Variants in STX8 observed in about 807,000 individuals in gnomAD.
STX8 encodes the protein syntaxin 8, also known as syntaxin-8.
Under a neutral mutation model 37.5 loss-of-function variants are expected in STX8, and 23 were observed. The observed-to-expected ratio is 0.61, with a 90% confidence interval of 0.44 to 0.87. The LOEUF (loss-of-function observed/expected upper bound fraction) is 0.87, where lower values mean the gene tolerates loss of function less well. STX8 is among the 40% of genes least tolerant of loss of function. STX8 has a pLI of 0.00. For missense variants in STX8, 313 were observed against 284.7 expected, an observed-to-expected ratio of 1.10 and a Z score of -0.71; for synonymous variants, 115 against 99.1, an observed-to-expected ratio of 1.16 and a Z score of -0.95.
chr17:9,504,292 T>C (rs1158949020), intron 5 of STX8, among the ~76,000 whole-genome samples: 17 of 151,336 alleles, frequency 1.1e-4, no homozygotes, highest in Admixed American at 4.0e-4. Flanking sequence ...ACACTTTGTA[T>C]AACAATCATG....
intron 7 of STX8, among the ~76,000 whole-genome samples, chr17:9,366,637 A>G (rs1911239531): frequency 6.6e-6 from 1 of 152,204 alleles, no homozygotes; most frequent in Admixed American, 6.5e-5. Context: ...AACTATATAC[A>G]AACAAAAATC....
At chr17:9,263,158 G>C (rs546146908) in intron 7 of STX8, among the ~76,000 whole-genome samples, 3 of 147,224 alleles carry the variant, frequency 2.0e-5, no homozygotes, top group African/African-American at 7.6e-5. Context: ...GGGTGACAGA[G>C]TGAGATCCTG....
chr17:9,428,722 A>G (rs899489101), intron 6 of STX8, among the ~76,000 whole-genome samples: 1 of 152,236 alleles, frequency 6.6e-6, no homozygotes, highest in South Asian at 2.1e-4. Context: ...TTCAGTATGT[A>G]ATCAATATAG....
intron 6 of STX8, among the ~76,000 whole-genome samples, chr17:9,471,722 C>T (rs985037727): frequency 3.9e-5 from 6 of 152,092 alleles, no homozygotes; most frequent in Non-Finnish European, 5.9e-5. Flanking sequence ...GGTAATATGT[C>T]GCACGTGCTG....
At chr17:9,322,490 C>T (rs1308248876) in intron 7 of STX8, among the ~76,000 whole-genome samples, 1 of 152,202 alleles carries the variant, frequency 6.6e-6, no homozygotes, top group Non-Finnish European at 1.5e-5. Context: ...GCAGGGGACG[C>T]TGAGCACTTC....
intron 7 of STX8, among the ~76,000 whole-genome samples, chr17:9,293,966 C>A (rs1908418893): frequency 6.6e-6 from 1 of 152,018 alleles, no homozygotes; most frequent in African/African-American, 2.4e-5. Flanking sequence ...GGGGTTTCAC[C>A]GTGTTAGCCA....
intron 6 of STX8, among the ~76,000 whole-genome samples, chr17:9,449,591 G>A (rs1008216355): frequency 1.3e-4 from 19 of 151,938 alleles, no homozygotes; most frequent in Non-Finnish European, 2.2e-4. Flanking sequence ...ACAAATTGTG[G>A]TACAGCTAGA....
At chr17:9,322,921 C>T (rs1214411178) in intron 7 of STX8, among the ~76,000 whole-genome samples, 15 of 142,668 alleles carry the variant, frequency 1.1e-4, no homozygotes, top group Admixed American at 1.0e-3. Flanking sequence ...AACACAAACA[C>T]ACACACTGGA....
chr17:9,545,394 C>T, intron 3 of STX8, 112 bp from the exon 4 acceptor site: 1 of 767,818 alleles, frequency 1.3e-6, no homozygotes, highest in Non-Finnish European at 2.2e-6. Context: ...GTAATCACTA[C>T]TACCCAGAAG....
At chr17:9,494,392 GC>G (rs1907001519) in intron 5 of STX8, among the ~76,000 whole-genome samples, 1 of 151,366 alleles carries the variant, frequency 6.6e-6, no homozygotes, top group Admixed American at 6.6e-5. Context: ...ACTTTAGGGG[GC>G]TGAAGCGGGC....
chr17:9,374,129 T>A (rs1911506971), intron 7 of STX8, among the ~76,000 whole-genome samples: 1 of 151,352 alleles, frequency 6.6e-6, no homozygotes. Context: ...TCACCCAGGC[T>A]GGAGTGCAGC....
At chr17:9,287,749 T>C (rs1908131745) in intron 7 of STX8, among the ~76,000 whole-genome samples, 1 of 152,130 alleles carries the variant, frequency 6.6e-6, no homozygotes, top group Non-Finnish European at 1.5e-5. Context: ...TATGTCTTTT[T>C]ACATTCTTTT....
At chr17:9,570,803 T>A (rs1907661126) in intron 1 of STX8, among the ~76,000 whole-genome samples, 1 of 151,814 alleles carries the variant, frequency 6.6e-6, no homozygotes, top group African/African-American at 2.4e-5. Flanking sequence ...ACGTCTGGAG[T>A]TCAGAGGTGG....
intron 4 of STX8, among the ~76,000 whole-genome samples, chr17:9,534,114 A>G (rs977180390): frequency 6.6e-6 from 1 of 152,220 alleles, no homozygotes; most frequent in African/African-American, 2.4e-5. Flanking sequence ...AAAAAATGCT[A>G]AAAGCTATTA....
chr17:9,458,428 C>A (rs576177372), intron 6 of STX8, among the ~76,000 whole-genome samples: 2 of 152,136 alleles, frequency 1.3e-5, no homozygotes, highest in East Asian at 1.9e-4. Flanking sequence ...GGATTACAGG[C>A]GTGAGCCACC....
At chr17:9,416,467 T>A (rs974916076) in intron 6 of STX8, among the ~76,000 whole-genome samples, 8 of 152,072 alleles carry the variant, frequency 5.3e-5, no homozygotes, top group African/African-American at 1.9e-4. Flanking sequence ...CCTCCCAGGT[T>A]CAAGCAATTC....
chr17:9,298,249 TGAAG>T (rs1908638007), intron 7 of STX8, among the ~76,000 whole-genome samples: 1 of 152,172 alleles, frequency 6.6e-6, no homozygotes, highest in Non-Finnish European at 1.5e-5. Context: ...TGTCAGTGAC[TGAAG>T]GAAGCATGGA....
intron 6 of STX8, among the ~76,000 whole-genome samples, chr17:9,469,556 G>A (rs927749740): frequency 6.6e-6 from 1 of 152,080 alleles, no homozygotes; most frequent in Non-Finnish European, 1.5e-5. Flanking sequence ...CAAACTCTCC[G>A]TGAGCCCATC....
intron 5 of STX8, among the ~76,000 whole-genome samples, chr17:9,495,674 G>T (rs1597707878): frequency 6.6e-6 from 1 of 152,168 alleles, no homozygotes; most frequent in East Asian, 1.9e-4. Context: ...TATAAGCTTA[G>T]CAATTCTCTC....
Sources: allele counts gnomAD v4.1 joint callset (sites outside exome capture counted in the v4.1 genomes callset), GRCh38; gene constraint gnomAD v4.1.1; transcripts MANE v1.5; gene names NCBI Gene and HGNC (gene_info 2026-07-23, HGNC 2026-07-21).